Variants in EPS15 observed in about 807,000 individuals in gnomAD.
The protein encoded by EPS15 is epidermal growth factor receptor substrate 15.
EPS15 carries 72 observed loss-of-function variants against 113.8 expected under a neutral mutation model. The ratio of observed to expected loss-of-function variants is 0.63; its 90% CI spans 0.52 to 0.77. The LOEUF is 0.77. Among genes scored for constraint, EPS15 ranks in the 30% least tolerant of loss-of-function variants. The pLI, the probability that EPS15 is intolerant of heterozygous loss-of-function variation, is 0.00. For synonymous variants in EPS15, 344 were observed against 363.4 expected, an observed-to-expected ratio of 0.95 and a Z score of 0.61; for missense variants, 1,048 against 1,045.8, an observed-to-expected ratio of 1.00 and a Z score of -0.03.
chr1:51,419,531 G>A (rs1650550276), intron 13 of EPS15, among the ~76,000 whole-genome samples: 1 of 152,076 alleles, frequency 6.6e-6, no homozygotes, highest in Admixed American at 6.6e-5. Flanking sequence ...AAGTGCGGCA[G>A]GTACTGATAG....
chr1:51,506,145 C>T (rs770032738), intron 1 of EPS15, among the ~76,000 whole-genome samples: 44 of 152,138 alleles, frequency 2.9e-4, no homozygotes, highest in Non-Finnish European at 3.8e-4. Context: ...CCTCAGCCTC[C>T]GAAAGTGCTG....
At chr1:51,487,717 G>C (rs1644151286) in intron 1 of EPS15, among the ~76,000 whole-genome samples, 1 of 152,092 alleles carries the variant, frequency 6.6e-6, no homozygotes, top group Non-Finnish European at 1.5e-5. Flanking sequence ...AGGTTCATTG[G>C]TTACTACCTA....
chr1:51,511,388 C>A lies in EPS15; in HGVS notation c.33+7811G>T, dbSNP rs1242277702. ...ATGCACGCCTGTAATCCCAGCTACT[C>A]GGGAGGCTGAGGCACGAGAATTGCT... On this transcript the variant is annotated intron_variant, in intron 1 of 24. Coordinates refer to ENST00000371733, the MANE Select transcript of EPS15 (RefSeq NM_001981.3). 2.7e-5 allele frequency among the ~76,000 whole-genome samples: 4 copies of A among 148,772 alleles called. No homozygotes were observed. In the South Asian group the frequency reaches 8.6e-4, roughly 32 times the overall value.
chr1:51,405,935 T>C lies in EPS15; in HGVS notation c.1647A>G (p.Leu549=), dbSNP rs142067216. ...LNEHVEGQSN[L]ESEPIHQESP... ...ATTCCTGGTGTATGGGCTCAGACTC[T>C]AGGTTGCTCTGGCCTTCAACATGTT... The change falls in exon 16 of 25, where the codon CTA becomes CTG. Residue 549 remains leucine, a synonymous_variant. Coordinates refer to ENST00000371733, the MANE Select transcript of EPS15 (RefSeq NM_001981.3). 7.8e-5 allele frequency: 126 copies of C among 1,614,032 alleles called. No individual in the cohort carries two copies. The highest frequency in any genetic ancestry group is 1.0e-4 in the Non-Finnish European group (119 of 1,179,998).
At position 51,400,940 on chromosome 1, in the gene EPS15, C is replaced by A; in HGVS notation, c.1896G>T (p.Lys632Asn). 6.3e-7 allele frequency: 1 copy of A among 1,585,912 alleles called. No homozygotes were observed. The highest frequency in any genetic ancestry group is 1.4e-5 in the African/African-American group (1 of 73,552). Residue 632 changes from lysine (K) to asparagine (N), a missense_variant, in exon 19 of 25, where the codon AAG becomes AAT. Physicochemically the swap from Lys to Asn is moderately conservative, Grantham distance 94. Transcript: ENST00000371733. ...GACCGATTTTTCCAAAAGGATCATC[C>A]TTGAAAGGATCACCTGTGATAAAAT... is the stretch of plus-strand genomic sequence containing the variant. ...SDPFVGSDPF[K>N]DDPFGKIDPF... is the part of the protein sequence containing the mutation.
intron 21 of EPS15, among the ~76,000 whole-genome samples, chr1:51,384,337 G>A (rs1337793575): frequency 8.7e-6 from 1 of 114,486 alleles, no homozygotes; most frequent in East Asian, 2.6e-4. Flanking sequence ...GTCTGGTTCT[G>A]TCACCCAGGC....
At chr1:51,472,021 TTG>T (rs1024277218) in intron 3 of EPS15, among the ~76,000 whole-genome samples, 4 of 152,070 alleles carry the variant, frequency 2.6e-5, no homozygotes, top group African/African-American at 9.7e-5. Flanking sequence ...TTTTTTTTTT[TTG>T]ATCATCAGCT....
intron 12 of EPS15, among the ~76,000 whole-genome samples, chr1:51,438,728 C>T (rs1652352472): frequency 6.6e-6 from 1 of 152,146 alleles, no homozygotes; most frequent in African/African-American, 2.4e-5. Flanking sequence ...TAATTGTTTA[C>T]TACTTCTATT....
Position 51,355,241 on chromosome 1 carries a change from T to C in EPS15, c.*1459A>G, listed in dbSNP as rs2148331871. On this transcript the variant is annotated 3_prime_UTR_variant, in exon 25 of 25. Transcript: ENST00000371733. ...AAGCACCATTTCAAGAAGAAATGAA[T>C]TGGATATTTTGGAATTTATTTATAG... 4.6e-6 allele frequency: 1 copy of C among 219,336 alleles called. No homozygotes were observed. The highest frequency in any genetic ancestry group is 2.2e-5 in the African/African-American group (1 of 44,652). The allele number at this position is 219,336 out of a possible 1,614,324, so 13.6% of individuals were successfully genotyped here. A position where few individuals can be genotyped will look rare whatever the true frequency, so the allele number is the denominator to read the frequency against.
intron 8 of EPS15, among the ~76,000 whole-genome samples, chr1:51,457,101 C>T (rs1654057744): frequency 6.6e-6 from 1 of 151,970 alleles, no homozygotes; most frequent in South Asian, 2.1e-4. Flanking sequence ...CTGGCAAACA[C>T]AGTGAAACCC....
chr1:51,357,427 T>TATATATATATATATATA (rs57828043), intron 24 of EPS15, among the ~76,000 whole-genome samples: 3 of 44,618 alleles, frequency 6.7e-5, no homozygotes, highest in Admixed American at 3.0e-4. Context: ...TATATATATA[T>TATATATATATATATATA]TTTTTTTTTT....
chr1:51,468,400 C>T lies in EPS15; in HGVS notation c.309+73G>A, dbSNP rs1655004098. 11 of 1,125,786 alleles carry T rather than the reference C, an allele frequency of 9.8e-6. No individual in the cohort carries two copies. In the South Asian group the frequency reaches 1.3e-4, roughly 13 times the overall value. The allele number at this position is 1,125,786 out of a possible 1,614,324, so 69.7% of individuals were successfully genotyped here. Reference sequence around the variant, plus strand: ...AGGGAGAATTCCTTTTAATATATTACTTTTAATTTTCAAATAACGTGGTGT... The same window carrying T: ...AGGGAGAATTCCTTTTAATATATTATTTTTAATTTTCAAATAACGTGGTGT... On this transcript the variant is annotated intron_variant, in intron 5 of 24. Coordinates refer to ENST00000371733, the MANE Select transcript of EPS15 (RefSeq NM_001981.3).
intron 24 of EPS15, among the ~76,000 whole-genome samples, chr1:51,360,393 T>C (rs901340177): frequency 6.6e-6 from 1 of 152,260 alleles, no homozygotes; most frequent in Admixed American, 6.5e-5. Context: ...ATGGAATATA[T>C]GACATTGCTT....
At chr1:51,447,175 C>T (rs1570324281) in intron 9 of EPS15, 70 bp from the exon 10 acceptor site, 1 of 1,349,322 alleles carries the variant, frequency 7.4e-7, no homozygotes, top group Non-Finnish European at 1.0e-6. Context: ...TCTTTCAATC[C>T]ATTACAATAT....
chr1:51,388,230 T>C (rs1449988793), intron 21 of EPS15, among the ~76,000 whole-genome samples: 5 of 152,148 alleles, frequency 3.3e-5, no homozygotes, highest in African/African-American at 4.8e-5. Flanking sequence ...ACTGGGTACA[T>C]AACGAAATGA....
intron 1 of EPS15, chr1:51,518,334 G>A (rs1402809543): frequency 6.6e-6 from 1 of 152,646 alleles, no homozygotes; most frequent in African/African-American, 2.4e-5. Context: ...TCGAGAACAG[G>A]TTTTGCTGAG....
At chr1:51,492,707 C>T (rs976356867) in intron 1 of EPS15, among the ~76,000 whole-genome samples, 1 of 151,602 alleles carries the variant, frequency 6.6e-6, no homozygotes, top group Non-Finnish European at 1.5e-5. Flanking sequence ...GCCAAAAAAA[C>T]AAACAAACAA....
chr1:51,501,136 G>C (rs1644404387), intron 1 of EPS15, among the ~76,000 whole-genome samples: 1 of 151,602 alleles, frequency 6.6e-6, no homozygotes, highest in African/African-American at 2.4e-5. Flanking sequence ...GGCTGGGTGT[G>C]GTGGCTCACG....
At chr1:51,440,711 T>C (rs1652533355) in intron 11 of EPS15, among the ~76,000 whole-genome samples, 1 of 152,032 alleles carries the variant, frequency 6.6e-6, no homozygotes, top group Non-Finnish European at 1.5e-5. Flanking sequence ...TGTCACTTGA[T>C]CCTAGCCTGT....
Sources: allele counts gnomAD v4.1 joint callset (sites outside exome capture counted in the v4.1 genomes callset), GRCh38; gene constraint gnomAD v4.1.1; transcripts MANE v1.5; gene names NCBI Gene and HGNC (gene_info 2026-07-23, HGNC 2026-07-21).